Variants in SPATA17 observed in about 807,000 individuals in gnomAD.
SPATA17 encodes spermatogenesis associated 17.
Under a neutral mutation model 62.2 loss-of-function variants are expected in SPATA17, and 53 were observed. That is an observed-to-expected ratio of 0.85 (90% CI 0.68 to 1.07). The LOEUF is 1.07. Among genes scored for constraint, SPATA17 ranks in the 50% least tolerant of loss-of-function variants. The probability of loss-of-function intolerance (pLI) is 0.00; values close to 1 mark genes in which losing one functional copy is unlikely to be tolerated. For synonymous variants in SPATA17, 146 were observed against 146.8 expected, an observed-to-expected ratio of 0.99 and a Z score of 0.04; for missense variants, 466 against 425.5, an observed-to-expected ratio of 1.10 and a Z score of -0.84.
intron 1 of SPATA17, among the ~76,000 whole-genome samples, chr1:217,647,064 C>T (rs1232803276): frequency 1.3e-5 from 2 of 152,206 alleles, no homozygotes; most frequent in African/African-American, 4.8e-5. Flanking sequence ...TAATTCTCTT[C>T]TTCAGAGGGG....
intron 7 of SPATA17, among the ~76,000 whole-genome samples, chr1:217,776,414 T>C (rs1242146923): frequency 6.6e-6 from 1 of 152,178 alleles, no homozygotes; most frequent in Non-Finnish European, 1.5e-5. Context: ...TGCTGTATAA[T>C]AAATTACTCC....
chr1:217,632,617 A>G (rs994050781), intron 1 of SPATA17, among the ~76,000 whole-genome samples: 1 of 152,230 alleles, frequency 6.6e-6, no homozygotes, highest in East Asian at 1.9e-4. Context: ...AACTAGTAGC[A>G]GAGACAGTGT....
intron 5 of SPATA17, among the ~76,000 whole-genome samples, chr1:217,708,665 A>G (rs1671791900): frequency 6.6e-6 from 1 of 151,828 alleles, no homozygotes; most frequent in South Asian, 2.1e-4. Context: ...ACTATTCCCA[A>G]ACTATCTCAT....
intron 8 of SPATA17, among the ~76,000 whole-genome samples, chr1:217,786,822 A>G (rs1310828519): frequency 3.0e-5 from 2 of 65,950 alleles, no homozygotes; most frequent in African/African-American, 1.0e-4. Context: ...TCCTCTGTAT[A>G]ATCTTTGAAT....
chr1:217,828,331 GAT>G (rs781593601), intron 9 of SPATA17, among the ~76,000 whole-genome samples: 45 of 151,796 alleles, frequency 3.0e-4, no homozygotes, highest in Non-Finnish European at 6.0e-4. Flanking sequence ...GTGGGGAACT[GAT>G]AGTCTCTTTG....
rs766708245 is a variant in SPATA17 at position 217,868,041 on chromosome 1, G to A, written c.*1022G>A. The A allele has an allele frequency of 1.5e-4, 23 of 151,486 alleles. No homozygotes were observed. Among genetic ancestry groups the A allele is most frequent in the Non-Finnish European group, 2.8e-4 (19 of 67,808 alleles). The allele number at this position is 151,486 out of a possible 1,614,324, so 9.4% of individuals were successfully genotyped here. On this transcript the variant is annotated 3_prime_UTR_variant, in exon 11 of 11. Transcript: ENST00000366933. ...AACAAATAAATTACAAAACTGAGGGGAAAAAAAGGAACCTATTAAAAAGAC... is the reference window on the plus strand; with the variant it reads ...AACAAATAAATTACAAAACTGAGGGAAAAAAAAGGAACCTATTAAAAAGAC...
intron 10 of SPATA17, among the ~76,000 whole-genome samples, chr1:217,863,095 C>CA: frequency 6.7e-6 from 1 of 148,948 alleles, no homozygotes; most frequent in African/African-American, 2.5e-5. Flanking sequence ...AGAAATAGAA[C>CA]ATTAAAAATC....
chr1:217,825,629 T>A (rs1558066578), intron 9 of SPATA17, among the ~76,000 whole-genome samples: 1 of 151,938 alleles, frequency 6.6e-6, no homozygotes, highest in Non-Finnish European at 1.5e-5. Flanking sequence ...ACATATCTCC[T>A]GGTGTATGTA....
intron 5 of SPATA17, among the ~76,000 whole-genome samples, chr1:217,738,586 A>T (rs4528198): frequency 0.052 from 7,948 of 152,320 alleles, 267 homozygotes; most frequent in African/African-American, 0.087. Context: ...ACAAATGAGG[A>T]TATTGCAGCC....
At chr1:217,705,138 AT>A (rs1367824833) in intron 5 of SPATA17, among the ~76,000 whole-genome samples, 1 of 152,132 alleles carries the variant, frequency 6.6e-6, no homozygotes, top group Non-Finnish European at 1.5e-5. Context: ...TGTGATTTTC[AT>A]TTCTCTAACA....
intron 1 of SPATA17, among the ~76,000 whole-genome samples, chr1:217,644,719 A>G (rs536861098): frequency 1.7e-4 from 26 of 152,094 alleles, no homozygotes; most frequent in African/African-American, 6.3e-4. Flanking sequence ...GGGTTATAGT[A>G]CTTATTTCTA....
intron 7 of SPATA17, 104 bp from the exon 8 acceptor site, chr1:217,782,070 T>G (rs1160267656): frequency 8.9e-7 from 1 of 1,124,566 alleles, no homozygotes; most frequent in African/African-American, 1.6e-5. Flanking sequence ...TAAAAATAAC[T>G]TAGTAAACCT....
At chr1:217,863,337 G>A (rs1675937546) in intron 10 of SPATA17, among the ~76,000 whole-genome samples, 1 of 151,848 alleles carries the variant, frequency 6.6e-6, no homozygotes, top group African/African-American at 2.4e-5. Context: ...CACCATGATG[G>A]CCAGGCTGGT....
intron 3 of SPATA17, among the ~76,000 whole-genome samples, chr1:217,658,056 A>G (rs1670481016): frequency 6.6e-6 from 1 of 152,172 alleles, no homozygotes; most frequent in African/African-American, 2.4e-5. Context: ...TGATTCAATT[A>G]TCTCTGTCTG....
chr1:217,647,467 A>T (rs1264226238), intron 1 of SPATA17, among the ~76,000 whole-genome samples: 2 of 152,228 alleles, frequency 1.3e-5, no homozygotes, highest in Admixed American at 1.3e-4. Flanking sequence ...GCCATGGGGA[A>T]TACAGTATAG....
intron 7 of SPATA17, among the ~76,000 whole-genome samples, chr1:217,779,085 A>T (rs1431569809): frequency 1.4e-5 from 2 of 144,532 alleles, no homozygotes; most frequent in African/African-American, 2.8e-5. Flanking sequence ...CATATGGAAG[A>T]TATATATATA....
intron 9 of SPATA17, among the ~76,000 whole-genome samples, chr1:217,851,327 G>T (rs1236875688): frequency 2.0e-5 from 3 of 151,844 alleles, no homozygotes; most frequent in Non-Finnish European, 4.4e-5. Flanking sequence ...ATACTATCAA[G>T]AATTATAAAT....
At chr1:217,662,843 A>G (rs533293032) in intron 3 of SPATA17, among the ~76,000 whole-genome samples, 7 of 152,218 alleles carry the variant, frequency 4.6e-5, no homozygotes, top group Admixed American at 4.6e-4. Flanking sequence ...TATTTTTGAT[A>G]TTTTTCTTTA....
intron 6 of SPATA17, among the ~76,000 whole-genome samples, chr1:217,756,412 C>T (rs1270166718): frequency 6.6e-6 from 1 of 151,934 alleles, no homozygotes; most frequent in South Asian, 2.1e-4. Context: ...CAAATTAAAC[C>T]AAGTTACACA....
Sources: allele counts gnomAD v4.1 joint callset (sites outside exome capture counted in the v4.1 genomes callset), GRCh38; gene constraint gnomAD v4.1.1; transcripts MANE v1.5; gene names NCBI Gene and HGNC (gene_info 2026-07-23, HGNC 2026-07-21).